CABLES1: variants seen among roughly 807,000 people sequenced by gnomAD.
The protein encoded by CABLES1 is CDK5 and ABL1 enzyme substrate 1.
In CABLES1, 36 loss-of-function variants were observed where a neutral mutation model predicts 57.8. The observed-to-expected ratio is 0.62, with a 90% confidence interval of 0.48 to 0.82. The LOEUF (loss-of-function observed/expected upper bound fraction) is 0.82, where lower values mean the gene tolerates loss of function less well. Ranked by LOEUF, CABLES1 falls within the 40% of genes least tolerant of loss-of-function variation. The pLI, the probability that CABLES1 is intolerant of heterozygous loss-of-function variation, is 0.00. For missense variants in CABLES1, 767 were observed against 836.6 expected, an observed-to-expected ratio of 0.92 and a Z score of 1.03; for synonymous variants, 374 against 363.0, an observed-to-expected ratio of 1.03 and a Z score of -0.35.
intron 4 of CABLES1, among the ~76,000 whole-genome samples, chr18:23,229,677 C>T (rs1568077404): frequency 6.6e-6 from 1 of 152,244 alleles, no homozygotes; most frequent in Non-Finnish European, 1.5e-5. Context: ...TCACACTCCA[C>T]TGGGACTTCT....
chr18:23,145,062 A>G (rs556955010), intron 1 of CABLES1, among the ~76,000 whole-genome samples: 97 of 151,864 alleles, frequency 6.4e-4, no homozygotes, highest in Non-Finnish European at 1.3e-3. Context: ...CAGCCTCCCA[A>G]GTAGCTGGGA....
At position 23,156,089 on chromosome 18, in the gene CABLES1, T is replaced by C. The variant is rs113542815; in HGVS notation, c.845+19482T>C. ...TGGAAAAGCGGGATGTCAGTCCTGATGTGGGCCAGCAGCGGGGGCTGGAGG... is the reference window on the plus strand; with the variant it reads ...TGGAAAAGCGGGATGTCAGTCCTGACGTGGGCCAGCAGCGGGGGCTGGAGG... On this transcript the variant is annotated intron_variant, in intron 1 of 9. Coordinates refer to ENST00000256925, the MANE Select transcript of CABLES1 (RefSeq NM_001100619.3). The C allele has an allele frequency of 1.6e-5, 16 of 1,002,502 alleles. No homozygotes were observed. In the African/African-American group the frequency reaches 2.4e-4, roughly 15 times the overall value. 62.1% of individuals were successfully genotyped at this position (1,002,502 alleles called of 1,614,324 possible). A position where few individuals can be genotyped will look rare whatever the true frequency, so the allele number is the denominator to read the frequency against.
Position 23,235,953 on chromosome 18 carries a change from C to G in CABLES1, c.1244C>G (p.Thr415Ser). 6.2e-7 allele frequency: 1 copy of G among 1,614,154 alleles called. No homozygotes were observed. Among genetic ancestry groups the G allele is most frequent in the South Asian group, 1.1e-5 (1 of 91,084 alleles). ...PTNAFGARRN[T>S]IDSTSSFSQF... is the part of the protein sequence containing the mutation. ...AATGCCTTTGGAGCCCGGAGAAATA[C>G]CATAGACTCCACCTCCTCTTTCTCC... Residue 415 changes from threonine (T) to serine (S), a missense_variant, in exon 6 of 10, where the codon ACC becomes AGC. Transcript: ENST00000256925.
At chr18:23,197,450 T>G (rs11875806) in intron 3 of CABLES1, 22,347 of 152,192 alleles carry the variant, frequency 0.15, 2,392 homozygotes, top group African/African-American at 0.28. Context: ...ATTCCGTGAG[T>G]CTGGCATTGG....
At chr18:23,161,122 T>TC (rs1434612758) in intron 1 of CABLES1, among the ~76,000 whole-genome samples, 4 of 151,994 alleles carry the variant, frequency 2.6e-5, no homozygotes, top group African/African-American at 9.7e-5. Context: ...GGAGGAAGGA[T>TC]CACTTGAGCC....
At chr18:23,230,686 T>G (rs953114603) in intron 4 of CABLES1, among the ~76,000 whole-genome samples, 3 of 152,174 alleles carry the variant, frequency 2.0e-5, no homozygotes, top group Non-Finnish European at 4.4e-5. Flanking sequence ...TCTTTTTAAA[T>G]CTACTTAATA....
chr18:23,135,186 C>G (rs1011334288), upstream of CABLES1, among the ~76,000 whole-genome samples: 1 of 152,128 alleles, frequency 6.6e-6, no homozygotes, highest in Admixed American at 6.5e-5. Context: ...ACGTGCTCGC[C>G]TCCCGCACCT....
chr18:23,136,416 G>A lies in CABLES1; in HGVS notation c.654G>A (p.Gln218=), dbSNP rs764811384. The A allele has an allele frequency of 2.5e-6, 4 of 1,600,558 alleles. No homozygotes were observed. Among genetic ancestry groups the A allele is most frequent in the East Asian group, 2.3e-5 (1 of 43,470 alleles). The change falls in exon 1 of 10, where the codon CAG becomes CAA. Residue 218 remains glutamine, a synonymous_variant. Transcript: ENST00000256925. The stretch of plus-strand genomic sequence containing the variant: ...AGGACGATGCCTTTATCAGCGTGCA[G>A]GTGCCGGCGGCCGCCTTTTTGGGCT... The part of the protein sequence containing the change: ...LEEDDAFISV[Q]VPAAAFLGSG...
intron 7 of CABLES1, among the ~76,000 whole-genome samples, chr18:23,245,886 C>T (rs2047864972): frequency 6.6e-6 from 1 of 152,244 alleles, no homozygotes. Flanking sequence ...TTAGAACCCC[C>T]CATCCATCAC....
At chr18:23,183,415 C>A (rs1308145322) in intron 1 of CABLES1, among the ~76,000 whole-genome samples, 27 of 152,192 alleles carry the variant, frequency 1.8e-4, no homozygotes, top group Admixed American at 1.8e-3. Flanking sequence ...ATTTGGTCCA[C>A]GTAGGAATAT....
rs538921358 is a variant in CABLES1, at chr18:23,202,223, G to A, written c.1010+7683G>A. Among the ~76,000 whole-genome samples the A allele has an allele frequency of 3.9e-5, 6 of 152,342 alleles. No homozygotes were observed. The East Asian group carries it at 1.2e-3, about 29-fold the overall frequency. On this transcript the variant is annotated intron_variant, in intron 3 of 9. Transcript: ENST00000256925. ...ACCAAAAGTCAGGGGTGGGCATTGCGGGTCATTTTGGTAAACTTATCTTCC... is the reference window on the plus strand; with the variant it reads ...ACCAAAAGTCAGGGGTGGGCATTGCAGGTCATTTTGGTAAACTTATCTTCC...
chr18:23,223,730 C>T (rs188800809), intron 4 of CABLES1, among the ~76,000 whole-genome samples: 4 of 152,216 alleles, frequency 2.6e-5, no homozygotes, highest in Non-Finnish European at 4.4e-5. Flanking sequence ...CACCACCCAC[C>T]CGCACTCATC....
chr18:23,252,931 A>G, intron 7 of CABLES1, 29 bp from the exon 8 acceptor site: 1 of 1,428,968 alleles, frequency 7.0e-7, no homozygotes, highest in Non-Finnish European at 9.9e-7. Flanking sequence ...TGTTTTAAGG[A>G]GTGATCCGTG....
At chr18:23,151,578 TA>T (rs2046930948) in intron 1 of CABLES1, among the ~76,000 whole-genome samples, 1 of 152,156 alleles carries the variant, frequency 6.6e-6, no homozygotes, top group Non-Finnish European at 1.5e-5. Context: ...AGCTCTTGAG[TA>T]ATCCACCGAC....
intron 1 of CABLES1, among the ~76,000 whole-genome samples, chr18:23,179,703 A>G (rs2047150457): frequency 6.6e-6 from 1 of 152,222 alleles, no homozygotes; most frequent in African/African-American, 2.4e-5. Flanking sequence ...GGCCATGCTT[A>G]CTTTCATCGG....
At chr18:23,192,999 C>T (rs1054123212) in intron 2 of CABLES1, among the ~76,000 whole-genome samples, 2 of 152,074 alleles carry the variant, frequency 1.3e-5, no homozygotes, top group Non-Finnish European at 2.9e-5. Context: ...TATGATGGCA[C>T]CACTGCATTC....
intron 1 of CABLES1, among the ~76,000 whole-genome samples, chr18:23,142,396 G>C (rs927981052): frequency 2.0e-5 from 3 of 152,074 alleles, no homozygotes; most frequent in Admixed American, 2.0e-4. Context: ...CAGTCCCCCA[G>C]ATGAAACTAC....
intron 1 of CABLES1, among the ~76,000 whole-genome samples, chr18:23,147,688 G>A (rs1326064993): frequency 2.0e-5 from 3 of 152,172 alleles, no homozygotes; most frequent in South Asian, 2.1e-4. Context: ...CCCTGCTTAC[G>A]CTGGAATCGT....
chr18:23,141,744 G>A (rs1197622264), intron 1 of CABLES1, among the ~76,000 whole-genome samples: 1 of 152,248 alleles, frequency 6.6e-6, no homozygotes, highest in African/African-American at 2.4e-5. Flanking sequence ...AAGTGCCTGG[G>A]GAGGCCAGTG....
Sources: allele counts gnomAD v4.1 joint callset (sites outside exome capture counted in the v4.1 genomes callset), GRCh38; gene constraint gnomAD v4.1.1; transcripts MANE v1.5; gene names NCBI Gene and HGNC (gene_info 2026-07-23, HGNC 2026-07-21).